Variants in NRXN3 observed in about 807,000 individuals in gnomAD.
NRXN3 encodes the protein neurexin 3.
A neutral mutation model predicts 137.6 loss-of-function variants in NRXN3; 32 were observed. The observed-to-expected ratio is 0.23, with a 90% CI of 0.18 to 0.31. The LOEUF (loss-of-function observed/expected upper bound fraction) is 0.31, where lower values mean the gene tolerates loss of function less well. Ranked by LOEUF, NRXN3 falls within the 10% of genes least tolerant of loss-of-function variation. NRXN3 has a pLI of 1.00. For missense variants in NRXN3, 1,574 were observed against 2,062.5 expected (o/e 0.76, Z 4.59); for synonymous variants, 798 against 784.5 (o/e 1.02, Z -0.29).
At chr14:79,656,253 G>A (rs902790203) in intron 16 of NRXN3, among the ~76,000 whole-genome samples, 1 of 152,194 alleles carries the variant, frequency 6.6e-6, no homozygotes, top group Non-Finnish European at 1.5e-5. Context: ...CGTTCAGTCT[G>A]TACTGGATTT....
intron 16 of NRXN3, among the ~76,000 whole-genome samples, chr14:79,626,396 A>G (rs976214269): frequency 2.3e-4 from 35 of 151,510 alleles, no homozygotes; most frequent in African/African-American, 8.2e-4. Context: ...TCATGTCTTC[A>G]TAGTCATTTT....
At chr14:79,691,392 G>A (rs1396886058) in intron 17 of NRXN3, among the ~76,000 whole-genome samples, 1 of 151,718 alleles carries the variant, frequency 6.6e-6, no homozygotes, top group African/African-American at 2.4e-5. Flanking sequence ...GTGGAGGGAG[G>A]CTAAATATAC....
intron 4 of NRXN3, among the ~76,000 whole-genome samples, chr14:78,543,770 T>G (rs1247966639): frequency 6.6e-6 from 1 of 152,198 alleles, no homozygotes; most frequent in Non-Finnish European, 1.5e-5. Context: ...ATGGGAATTA[T>G]TTCTCATTTC....
chr14:79,615,779 A>G (rs2098147689), intron 16 of NRXN3, among the ~76,000 whole-genome samples: 1 of 152,170 alleles, frequency 6.6e-6, no homozygotes, highest in African/African-American at 2.4e-5. Flanking sequence ...ATCCAGTCAC[A>G]TCCCACTGGT....
At chr14:79,480,703 T>A (rs1425287015) in intron 16 of NRXN3, among the ~76,000 whole-genome samples, 1 of 151,248 alleles carries the variant, frequency 6.6e-6, no homozygotes, top group Non-Finnish European at 1.5e-5. Context: ...TGGAGGGAGG[T>A]GGTTGGATCA....
chr14:78,822,331 C>T (rs578099605), intron 10 of NRXN3, among the ~76,000 whole-genome samples: 1 of 152,216 alleles, frequency 6.6e-6, no homozygotes, highest in East Asian at 1.9e-4. Context: ...TTAATCTTCA[C>T]CACAATCTTA....
chr14:78,369,841 G>C (rs77176718), intron 4 of NRXN3, among the ~76,000 whole-genome samples: 1 of 149,014 alleles, frequency 6.7e-6, no homozygotes, highest in Admixed American at 6.8e-5. Context: ...AAAAGCCAAA[G>C]ACACTGTGGA....
chr14:78,675,315 A>G (rs2097990562), intron 6 of NRXN3, among the ~76,000 whole-genome samples: 1 of 152,206 alleles, frequency 6.6e-6, no homozygotes, highest in Non-Finnish European at 1.5e-5. Flanking sequence ...AAGAATTAAT[A>G]AAGAAATGAG....
At chr14:78,746,175 C>A (rs1346796515) in intron 8 of NRXN3, among the ~76,000 whole-genome samples, 2 of 152,162 alleles carry the variant, frequency 1.3e-5, no homozygotes, top group African/African-American at 4.8e-5. Context: ...ATACTCAAGG[C>A]TCATTAGATT....
chr14:79,601,592 C>T (rs978300803), intron 16 of NRXN3, among the ~76,000 whole-genome samples: 1 of 152,114 alleles, frequency 6.6e-6, no homozygotes, highest in Non-Finnish European at 1.5e-5. Flanking sequence ...CATGCTGACC[C>T]CTCATTCTCT....
chr14:78,755,302 C>T (rs1448140846), intron 8 of NRXN3, among the ~76,000 whole-genome samples: 1 of 151,530 alleles, frequency 6.6e-6, no homozygotes, highest in East Asian at 2.0e-4. Flanking sequence ...GGTGGGATTA[C>T]AGGTGTGAGC....
intron 15 of NRXN3, chr14:79,280,228 A>T (rs1397152712): frequency 6.3e-7 from 1 of 1,595,294 alleles, no homozygotes; most frequent in Non-Finnish European, 8.5e-7. Flanking sequence ...GGCATCATGA[A>T]CTTCATTACT....
At chr14:79,451,136 T>C (rs1216978268) in intron 15 of NRXN3, among the ~76,000 whole-genome samples, 1 of 150,162 alleles carries the variant, frequency 6.7e-6, no homozygotes, top group Non-Finnish European at 1.5e-5. Context: ...CATGGCTTTA[T>C]GTGTCAGGAG....
chr14:78,623,807 A>G (rs1427251970), intron 4 of NRXN3, among the ~76,000 whole-genome samples: 4 of 152,124 alleles, frequency 2.6e-5, no homozygotes, highest in Non-Finnish European at 4.4e-5. Flanking sequence ...ACCTCAGGTG[A>G]TCCGCCCACC....
chr14:78,668,120 A>G (rs536486817), intron 6 of NRXN3, among the ~76,000 whole-genome samples: 1 of 152,134 alleles, frequency 6.6e-6, no homozygotes, highest in Non-Finnish European at 1.5e-5. Context: ...TTCTTCATAG[A>G]TATTAATGTA....
intron 20 of NRXN3, among the ~76,000 whole-genome samples, chr14:79,833,911 A>T (rs768331719): frequency 4.6e-5 from 7 of 152,162 alleles, no homozygotes; most frequent in Non-Finnish European, 8.8e-5. Flanking sequence ...ATTCTTTGCA[A>T]TCTGGAGCAA....
intron 15 of NRXN3, chr14:79,279,967 G>A: frequency 8.7e-7 from 1 of 1,150,398 alleles, no homozygotes; most frequent in Non-Finnish European, 1.1e-6. Context: ...TAGAGATCCG[G>A]AGGAAGCCGC....
At chr14:79,603,978 C>G (rs1412199104) in intron 16 of NRXN3, among the ~76,000 whole-genome samples, 1 of 152,122 alleles carries the variant, frequency 6.6e-6, no homozygotes, top group African/African-American at 2.4e-5. Flanking sequence ...AACTCCACCT[C>G]CCAGGTTCAA....
intron 4 of NRXN3, among the ~76,000 whole-genome samples, chr14:78,320,998 C>A (rs1379216332): frequency 6.6e-6 from 1 of 151,998 alleles, no homozygotes; most frequent in East Asian, 1.9e-4. Flanking sequence ...TGCCTGTAAT[C>A]CCAGCTACTC....
Sources: gnomAD v4.1 joint callset for allele counts (sites outside exome capture counted in the v4.1 genomes callset) on GRCh38, gnomAD v4.1.1 for gene constraint, MANE v1.5 for transcripts, NCBI Gene and HGNC (gene_info 2026-07-23, HGNC 2026-07-21) for gene names.